The following PIP5K1B variants were observed in gnomAD, a reference collection of about 807,000 sequenced individuals.
PIP5K1B encodes the protein phosphatidylinositol-4-phosphate 5-kinase type 1 beta, also known as phosphatidylinositol 4-phosphate 5-kinase type-1 beta.
PIP5K1B carries 42 observed loss-of-function variants against 67.0 expected under a neutral mutation model. The ratio of observed to expected loss-of-function variants is 0.63; its 90% CI spans 0.49 to 0.81. PIP5K1B has a LOEUF of 0.81. Ranked by LOEUF, PIP5K1B falls within the 30% of genes least tolerant of loss-of-function variation. The probability of loss-of-function intolerance (pLI) is 0.00; values close to 1 mark genes in which losing one functional copy is unlikely to be tolerated. For synonymous variants in PIP5K1B, 214 were observed against 231.4 expected (o/e 0.92, Z 0.68); for missense variants, 459 against 646.3 (o/e 0.71, Z 3.14).
At chr9:68,921,972 T>TCG (rs1430527952) in intron 11 of PIP5K1B, among the ~76,000 whole-genome samples, 16 of 152,240 alleles carry the variant, frequency 1.1e-4, no homozygotes, top group East Asian at 3.8e-4. Context: ...CAGACATGGC[T>TCG]CTTACTTAAA....
chr9:68,867,658 CAT>C (rs1478354545), intron 5 of PIP5K1B, among the ~76,000 whole-genome samples: 2 of 152,180 alleles, frequency 1.3e-5, no homozygotes, highest in African/African-American at 4.8e-5. Context: ...TGTATATACA[CAT>C]GTGTAAAAGT....
At chr9:68,959,933 A>T (rs1385661268) in intron 14 of PIP5K1B, among the ~76,000 whole-genome samples, 1 of 152,160 alleles carries the variant, frequency 6.6e-6, no homozygotes, top group Admixed American at 6.6e-5. Context: ...CACAGATGTT[A>T]TCCTGGGAAC....
chr9:68,913,714 C>T (rs920648187), intron 8 of PIP5K1B, among the ~76,000 whole-genome samples: 1 of 152,072 alleles, frequency 6.6e-6, no homozygotes, highest in Non-Finnish European at 1.5e-5. Flanking sequence ...TTTTTTAAGC[C>T]TTCCACACTG....
At chr9:68,750,939 G>C (rs1829598411) in intron 2 of PIP5K1B, among the ~76,000 whole-genome samples, 1 of 152,200 alleles carries the variant, frequency 6.6e-6, no homozygotes, top group Admixed American at 6.5e-5. Flanking sequence ...GAATTCCTAA[G>C]TCTTTCAAAG....
chr9:68,871,428 A>G (rs964012633), intron 5 of PIP5K1B, among the ~76,000 whole-genome samples: 1 of 152,180 alleles, frequency 6.6e-6, no homozygotes, highest in Non-Finnish European at 1.5e-5. Flanking sequence ...GGAATTCCAG[A>G]TGGCGGCTAA....
At chr9:68,845,564 G>A (rs1345797528) in intron 4 of PIP5K1B, among the ~76,000 whole-genome samples, 2 of 152,182 alleles carry the variant, frequency 1.3e-5, no homozygotes, top group Non-Finnish European at 2.9e-5. Context: ...TAGGGATCCC[G>A]AAGGCCAGGG....
At chr9:68,871,942 T>C (rs1327928574) in intron 5 of PIP5K1B, among the ~76,000 whole-genome samples, 3 of 151,504 alleles carry the variant, frequency 2.0e-5, no homozygotes, top group Admixed American at 6.6e-5. Context: ...CATAAGTGCA[T>C]TGAAGAAATA....
chr9:68,828,907 G>C (rs1267909365), intron 4 of PIP5K1B, among the ~76,000 whole-genome samples: 3 of 151,974 alleles, frequency 2.0e-5, no homozygotes. Flanking sequence ...TTGGAGACCA[G>C]CCTGGCCAAC....
At chr9:68,948,919 T>A (rs1827928015) in intron 14 of PIP5K1B, among the ~76,000 whole-genome samples, 1 of 152,200 alleles carries the variant, frequency 6.6e-6, no homozygotes, top group Admixed American at 6.5e-5. Flanking sequence ...GAAGAATAAT[T>A]TAGGATTCAG....
intron 14 of PIP5K1B, among the ~76,000 whole-genome samples, chr9:68,980,115 G>A (rs1829828720): frequency 6.6e-6 from 1 of 152,208 alleles, no homozygotes; most frequent in Non-Finnish European, 1.5e-5. Flanking sequence ...TGTGCCACAC[G>A]CTGATACTGT....
At chr9:68,874,119 A>T (rs1300666867) in intron 5 of PIP5K1B, among the ~76,000 whole-genome samples, 1 of 152,228 alleles carries the variant, frequency 6.6e-6, no homozygotes, top group African/African-American at 2.4e-5. Flanking sequence ...GCCATGAAGC[A>T]ACATCCATTC....
At position 68,913,451 on chromosome 9, in the gene PIP5K1B, A is replaced by G. The variant is rs574129300; in HGVS notation, c.772-4097A>G. 3.9e-5 allele frequency among the ~76,000 whole-genome samples: 6 copies of G among 152,350 alleles called. No individual in the cohort carries two copies. In the South Asian group the frequency reaches 8.3e-4, roughly 21 times the overall value. On this transcript the variant is annotated intron_variant, in intron 8 of 15. Transcript: ENST00000265382. ...TGTTAAGTTGTTGGCAGATTTATCA[A>G]TTCTTTTAATTAAAGGACTGGGATG... is the stretch of plus-strand genomic sequence containing the variant.
At chr9:68,753,132 C>A (rs565884998) in intron 2 of PIP5K1B, among the ~76,000 whole-genome samples, 4 of 150,466 alleles carry the variant, frequency 2.7e-5, no homozygotes, top group African/African-American at 9.7e-5. Context: ...AAGAATCCAT[C>A]TTTTTGTTAC....
intron 14 of PIP5K1B, among the ~76,000 whole-genome samples, chr9:68,947,402 A>T (rs1420370780): frequency 6.6e-6 from 1 of 152,220 alleles, no homozygotes; most frequent in East Asian, 1.9e-4. Context: ...GCAGAAAGCC[A>T]GCAGCTTCTG....
chr9:68,885,406 A>G (rs891669200), intron 6 of PIP5K1B, among the ~76,000 whole-genome samples: 5 of 152,338 alleles, frequency 3.3e-5, no homozygotes, highest in Admixed American at 3.3e-4. Flanking sequence ...AGCGAGGTGA[A>G]CACAGTTAAT....
chr9:68,926,358 T>C (rs1317057702), intron 12 of PIP5K1B, among the ~76,000 whole-genome samples: 1 of 152,158 alleles, frequency 6.6e-6, no homozygotes, highest in Non-Finnish European at 1.5e-5. Flanking sequence ...GTTTGGATAA[T>C]TTTTCAGGTT....
At chr9:68,971,129 C>T (rs1224636153) in intron 14 of PIP5K1B, among the ~76,000 whole-genome samples, 1 of 152,072 alleles carries the variant, frequency 6.6e-6, no homozygotes, top group Non-Finnish European at 1.5e-5. Context: ...TTAGGTAATT[C>T]TCCTAATGAT....
intron 3 of PIP5K1B, among the ~76,000 whole-genome samples, chr9:68,819,366 T>C (rs1306930975): frequency 6.6e-6 from 1 of 152,156 alleles, no homozygotes; most frequent in Non-Finnish European, 1.5e-5. Context: ...CTCAAACTCC[T>C]GGGCTCAAGC....
intron 14 of PIP5K1B, among the ~76,000 whole-genome samples, chr9:68,943,426 G>C (rs1827655928): frequency 6.6e-6 from 1 of 152,160 alleles, no homozygotes; most frequent in Non-Finnish European, 1.5e-5. Flanking sequence ...ACTCCCAGGA[G>C]TCAATATCCC....
Sources: allele counts gnomAD v4.1 joint callset (sites outside exome capture counted in the v4.1 genomes callset), GRCh38; gene constraint gnomAD v4.1.1; transcripts MANE v1.5; gene names NCBI Gene and HGNC (gene_info 2026-07-23, HGNC 2026-07-21).